The following BRINP2 variants were observed in gnomAD, a reference collection of about 807,000 sequenced individuals.
The protein encoded by BRINP2 is BMP/retinoic acid-inducible neural-specific protein 2.
Under a neutral mutation model 69.2 loss-of-function variants are expected in BRINP2, and 21 were observed. That is an observed-to-expected ratio of 0.30 (90% confidence interval 0.22 to 0.44). The LOEUF is 0.44. BRINP2 is among the 20% of genes least tolerant of loss of function. The pLI is 1.00. For missense variants in BRINP2, 877 were observed against 986.0 expected, an observed-to-expected ratio of 0.89 and a Z score of 1.48; for synonymous variants, 380 against 394.1, an observed-to-expected ratio of 0.96 and a Z score of 0.42.
intron 2 of BRINP2, among the ~76,000 whole-genome samples, chr1:177,235,888 A>C (rs1466109185): frequency 6.6e-6 from 1 of 152,226 alleles, no homozygotes. Context: ...GCTCTTCCGC[A>C]TAAACCACCA....
chr1:177,276,764 C>G (rs561867187), intron 6 of BRINP2, among the ~76,000 whole-genome samples: 1 of 152,304 alleles, frequency 6.6e-6, no homozygotes, highest in African/African-American at 2.4e-5. Flanking sequence ...ACATAAGGTT[C>G]GCTATAAATA....
At position 177,178,129 on chromosome 1, in the gene BRINP2, G is replaced by C. The variant is rs143361659; in HGVS notation, c.-77+6397G>C. ...AGCCATCCTCTCCTCCTCACCCCTC[G>C]TGCTACTGTCTGATGCCAGGCTCTC... On this transcript the variant is annotated intron_variant, in intron 1 of 7. Transcript: ENST00000361539. 3.1e-4 allele frequency among the ~76,000 whole-genome samples: 47 copies of C among 152,114 alleles called. 1 individual carries two copies. Among genetic ancestry groups the C allele is most frequent in the African/African-American group, 9.9e-4 (41 of 41,506 alleles).
At chr1:177,280,370 A>G (rs1558189188) in intron 7 of BRINP2, 42 bp from the exon 8 acceptor site, 1 of 1,537,236 alleles carries the variant, frequency 6.5e-7, no homozygotes, top group East Asian at 2.3e-5. Flanking sequence ...TCAGTGTGTG[A>G]CTTCTTTTGA....
chr1:177,263,751 A>T (rs1214013686), intron 4 of BRINP2, among the ~76,000 whole-genome samples: 8 of 152,104 alleles, frequency 5.3e-5, no homozygotes, highest in Non-Finnish European at 1.2e-4. Flanking sequence ...ATTAACAGGG[A>T]GGTAGGGTAT....
In BRINP2 at chr1:177,209,553, T is replaced by A. The variant is rs536380492; in HGVS notation, c.-76-20248T>A. The stretch of plus-strand genomic sequence containing the variant: ...TGGGGCTGGGCAATAGCTAAAGGAG[T>A]GACATTTGTGAATGAGTGTGATGAA... On this transcript the variant is annotated intron_variant, in intron 1 of 7. Transcript: ENST00000361539. Among the ~76,000 whole-genome samples, 4 of 151,950 alleles carry A rather than the reference T, an allele frequency of 2.6e-5. No individual in the cohort carries two copies. The East Asian group carries it at 7.8e-4, about 29-fold the overall frequency.
At chr1:177,272,396 A>G (rs111385682) in intron 4 of BRINP2, among the ~76,000 whole-genome samples, 5 of 152,244 alleles carry the variant, frequency 3.3e-5, no homozygotes, top group Non-Finnish European at 5.9e-5. Context: ...GGAATGTATT[A>G]TACATGCATT....
chr1:177,200,478 G>A (rs923928138), intron 1 of BRINP2, among the ~76,000 whole-genome samples: 1 of 151,846 alleles, frequency 6.6e-6, no homozygotes, highest in African/African-American at 2.4e-5. Context: ...CATTCCTCCT[G>A]CTCTCCCACT....
chr1:177,261,504 A>G (rs913889203), intron 4 of BRINP2, among the ~76,000 whole-genome samples: 4 of 152,254 alleles, frequency 2.6e-5, no homozygotes, highest in Admixed American at 2.6e-4. Context: ...GAGAAGGACA[A>G]CACTGGGAGG....
rs1651663987 is a variant in BRINP2 at position 177,280,620 on chromosome 1, C to A, written c.1444C>A (p.Pro482Thr). 1 of 1,614,044 alleles carries A rather than the reference C, an allele frequency of 6.2e-7. No homozygotes were observed. Among genetic ancestry groups the A allele is most frequent in the African/African-American group, 1.3e-5 (1 of 74,952 alleles). The part of the protein sequence containing the change: ...DNSTRCGSCN[P>T]GYVLAQGLCR... Reference sequence around the variant, plus strand: ...TAGCACACGCTGTGGGAGCTGCAACCCGGGCTATGTGCTGGCCCAGGGGCT... The same window carrying A: ...TAGCACACGCTGTGGGAGCTGCAACACGGGCTATGTGCTGGCCCAGGGGCT... Residue 482 changes from proline to threonine, a missense_variant, in exon 8 of 8, where the codon CCG becomes ACG. Pro to Thr is a conservative substitution (Grantham distance 38). Coordinates refer to ENST00000361539, the MANE Select transcript of BRINP2 (RefSeq NM_021165.4).
chr1:177,198,947 AAAG>A (rs538778513), intron 1 of BRINP2, among the ~76,000 whole-genome samples: 130 of 152,278 alleles, frequency 8.5e-4, no homozygotes, highest in African/African-American at 3.1e-3. Context: ...CTAACCCTGA[AAAG>A]AAATTATACT....
At chr1:177,273,706 T>A in intron 5 of BRINP2, 113 bp downstream of exon 5, 1 of 613,246 alleles carries the variant, frequency 1.6e-6, no homozygotes, top group Non-Finnish European at 2.7e-6. Context: ...AAACCTTTCT[T>A]AAGACAAGAA....
At position 177,206,378 on chromosome 1, in the gene BRINP2, A is replaced by G. The variant is rs1649070943; in HGVS notation, c.-76-23423A>G. On this transcript the variant is annotated intron_variant, in intron 1 of 7. Transcript: ENST00000361539. ...ATAATTTGTTACACATTTGTTACAT[A>G]GTAATAGATTGTTAGTATATTCTTT... 2.6e-5 allele frequency among the ~76,000 whole-genome samples: 4 copies of G among 152,236 alleles called. No homozygotes were observed. The South Asian group carries it at 8.3e-4, about 31-fold the overall frequency.
intron 2 of BRINP2, among the ~76,000 whole-genome samples, chr1:177,248,446 T>C (rs1650459210): frequency 6.6e-6 from 1 of 151,224 alleles, no homozygotes; most frequent in African/African-American, 2.4e-5. Context: ...TGTGTGTGTG[T>C]GTGTGTGTGC....
At chr1:177,201,838 T>C (rs1648922023) in intron 1 of BRINP2, among the ~76,000 whole-genome samples, 1 of 152,198 alleles carries the variant, frequency 6.6e-6, no homozygotes, top group South Asian at 2.1e-4. Flanking sequence ...CCTGGACTTT[T>C]TTTGGTTGGT....
At chr1:177,205,064 T>C (rs1351144730) in intron 1 of BRINP2, among the ~76,000 whole-genome samples, 3 of 152,234 alleles carry the variant, frequency 2.0e-5, no homozygotes, top group South Asian at 2.1e-4. Flanking sequence ...GTAAATATCA[T>C]ATTATATAAT....
In BRINP2 at chr1:177,234,211, C is replaced by A. The variant is rs141804906; in HGVS notation, c.269+4066C>A. Among the ~76,000 whole-genome samples, 242 of 152,302 alleles carry A rather than the reference C, an allele frequency of 1.6e-3. 2 individuals are homozygous for A. Among genetic ancestry groups the A allele is most frequent in the African/African-American group, 5.5e-3 (227 of 41,566 alleles). On this transcript the variant is annotated intron_variant, in intron 2 of 7. Coordinates refer to ENST00000361539, the MANE Select transcript of BRINP2 (RefSeq NM_021165.4). The stretch of plus-strand genomic sequence containing the variant: ...CTTAGAGACCAACTTTTCACAGCAG[C>A]CTTATGATGGGCTACTAGGGTCTAA...
At chr1:177,198,176 T>A (rs7515405) in intron 1 of BRINP2, among the ~76,000 whole-genome samples, 12 of 152,268 alleles carry the variant, frequency 7.9e-5, no homozygotes, top group South Asian at 2.1e-4. Flanking sequence ...AAAAAGCCTA[T>A]GGAAAATGTA....
chr1:177,263,116 G>T (rs1417597489), intron 4 of BRINP2, among the ~76,000 whole-genome samples: 1 of 152,208 alleles, frequency 6.6e-6, no homozygotes, highest in Non-Finnish European at 1.5e-5. Flanking sequence ...GGAATGAAAA[G>T]AAGCCTTTGA....
chr1:177,265,612 A>T (rs1243516555), intron 4 of BRINP2, among the ~76,000 whole-genome samples: 1 of 152,174 alleles, frequency 6.6e-6, no homozygotes, highest in Non-Finnish European at 1.5e-5. Flanking sequence ...TCCAAACTGT[A>T]CATGGGACAG....
Sources: allele counts gnomAD v4.1 joint callset (sites outside exome capture counted in the v4.1 genomes callset), GRCh38; gene constraint gnomAD v4.1.1; transcripts MANE v1.5; gene names NCBI Gene and HGNC (gene_info 2026-07-23, HGNC 2026-07-21).